The following SSH1 variants were observed in gnomAD, a reference collection of about 807,000 sequenced individuals.
SSH1 encodes slingshot protein phosphatase 1.
In SSH1, 43 loss-of-function variants were observed where a neutral mutation model predicts 79.7. That is an observed-to-expected ratio of 0.54 (90% confidence interval 0.42 to 0.70). The LOEUF is 0.70. Ranked by LOEUF, SSH1 falls within the 30% of genes least tolerant of loss-of-function variation. The pLI is 0.00. For missense variants in SSH1, 1,206 were observed against 1,358.8 expected, an observed-to-expected ratio of 0.89 and a Z score of 1.77; for synonymous variants, 599 against 538.3, an observed-to-expected ratio of 1.11 and a Z score of -1.56.
chr12:108,853,415 C>T (rs1319730574), intron 1 of SSH1: 6 of 919,498 alleles, frequency 6.5e-6, no homozygotes, highest in African/African-American at 3.6e-5. Flanking sequence ...AACTCCGCAC[C>T]GCTGGGACTT....
chr12:108,832,866 C>T lies in SSH1; in HGVS notation c.111-9505G>A, dbSNP rs557516833. Among the ~76,000 whole-genome samples the T allele has an allele frequency of 1.1e-3, 171 of 152,238 alleles. 1 individual carries two copies. Among genetic ancestry groups the T allele is most frequent in the Middle Eastern group, 3.4e-3 (1 of 294 alleles). On this transcript the variant is annotated intron_variant, in intron 2 of 14. Coordinates refer to ENST00000326495, the MANE Select transcript of SSH1 (RefSeq NM_018984.4). ...GTCAACCGGAGCTCCCAAATTGTAC[C>T]CCCCTAAACACATAATGCTGAGCAT...
rs374251573 is a variant in SSH1 at position 108,788,583 on chromosome 12, T to C, written c.2555A>G (p.Glu852Gly). Residue 852 changes from glutamate to glycine, a missense_variant, in exon 15 of 15, where the codon GAG becomes GGG. By Grantham distance (98) the Glu-to-Gly change is moderately conservative (BLOSUM62 -2). Coordinates refer to ENST00000326495, the MANE Select transcript of SSH1 (RefSeq NM_018984.4). ...PSRDGPASRLEASIPEESQDP... is the reference protein window; with the variant it reads ...PSRDGPASRLGASIPEESQDP... ...CTGGCTCTCCTCGGGGATGCTGGCC[T>C]CCAGCCTGCTGGCAGGGCCATCCCT... is the stretch of plus-strand genomic sequence containing the variant. 16 of 1,603,448 alleles carry C rather than the reference T, an allele frequency of 1.0e-5. No individual in the cohort carries two copies. In the African/African-American group the frequency reaches 2.0e-4, roughly 20 times the overall value.
intron 2 of SSH1, among the ~76,000 whole-genome samples, chr12:108,827,099 C>T (rs539359773): frequency 6.6e-6 from 1 of 151,926 alleles, no homozygotes; most frequent in East Asian, 1.9e-4. Context: ...TACTGCCATT[C>T]GGGAAGCTTC....
intron 3 of SSH1, among the ~76,000 whole-genome samples, chr12:108,819,114 C>CG (rs1414068454): frequency 6.6e-6 from 1 of 151,690 alleles, no homozygotes; most frequent in South Asian, 2.1e-4. Flanking sequence ...ACCGGGGGGG[C>CG]GGGGGGAAAT....
At chr12:108,808,374 C>T (rs2037395731) in intron 7 of SSH1, among the ~76,000 whole-genome samples, 1 of 152,218 alleles carries the variant, frequency 6.6e-6, no homozygotes, top group Non-Finnish European at 1.5e-5. Context: ...CTGATTGAAT[C>T]TAAGAGTGGC....
rs1203106816 is a variant in SSH1, at chr12:108,779,356, C to T, written c.*8632G>A. On this transcript the variant is annotated 3_prime_UTR_variant, in exon 15 of 15. Coordinates refer to ENST00000326495, the MANE Select transcript of SSH1 (RefSeq NM_018984.4). ...GGAGCAAGAAGTGGGTCCAATTTCC[C>T]AGGGGCTGGGGGCTTCATCTCCAAC... 1 of 152,156 alleles carries T rather than the reference C, an allele frequency of 6.6e-6. No homozygotes were observed. Among genetic ancestry groups the T allele is most frequent in the Non-Finnish European group, 1.5e-5 (1 of 68,040 alleles). 9.4% of individuals were successfully genotyped at this position (152,156 alleles called of 1,614,324 possible).
At chr12:108,836,829 T>A (rs2038642480) in intron 2 of SSH1, 1 of 497,114 alleles carries the variant, frequency 2.0e-6, no homozygotes, top group South Asian at 1.5e-5. Flanking sequence ...GCAGCATCCC[T>A]TGGGTGATGT....
chr12:108,789,759 A>C (rs542815209), intron 14 of SSH1, among the ~76,000 whole-genome samples: 1 of 152,274 alleles, frequency 6.6e-6, no homozygotes, highest in East Asian at 1.9e-4. Flanking sequence ...TCCAGAAGCA[A>C]AGCAGGAAGG....
intron 13 of SSH1, 55 bp from the exon 14 acceptor site, chr12:108,792,884 G>A (rs2036575884): frequency 3.1e-6 from 5 of 1,607,942 alleles, no homozygotes; most frequent in Non-Finnish European, 4.2e-6. Context: ...GCCTGGGGGT[G>A]CTGGGAAGAG....
intron 2 of SSH1, among the ~76,000 whole-genome samples, chr12:108,848,644 C>T (rs1337839625): frequency 6.6e-6 from 1 of 152,228 alleles, no homozygotes; most frequent in African/African-American, 2.4e-5. Context: ...CAGGACACAA[C>T]TTTTCTTGTG....
At chr12:108,801,898 CAGAT>C (rs936085881) in intron 11 of SSH1, among the ~76,000 whole-genome samples, 19 of 152,296 alleles carry the variant, frequency 1.2e-4, no homozygotes, top group African/African-American at 4.6e-4. Flanking sequence ...AGCATTAGCT[CAGAT>C]AGAGCCCAAA....
intron 2 of SSH1, chr12:108,827,445 G>A (rs1045803490): frequency 1.9e-5 from 25 of 1,312,076 alleles, no homozygotes; most frequent in African/African-American, 6.1e-5. Context: ...GGAGGCTGCC[G>A]AGTGCTTCCA....
At position 108,807,717 on chromosome 12, in the gene SSH1, G is replaced by A; in HGVS notation, c.647C>T (p.Ser216Phe). ...WATYYESCIS[S>F]EQSCINEWNA... is the part of the protein sequence containing the mutation. ...CCACTCGTTGATGCAGCTCTGCTCG[G>A]AGCTGATGCAGCTCTCATAGTAGGT... The change falls in exon 8 of 15, where the codon TCC becomes TTC. Residue 216 changes from serine (S) to phenylalanine (F), a missense_variant. Coordinates refer to ENST00000326495, the MANE Select transcript of SSH1 (RefSeq NM_018984.4). This position sits in a 1 kb window ranked among gnomAD's most constrained non-coding sequence, Gnocchi z 5.2. 1 of 1,613,272 alleles carries A rather than the reference G, an allele frequency of 6.2e-7. No homozygotes were observed. The highest frequency in any genetic ancestry group is 1.1e-5 in the South Asian group (1 of 91,028).
intron 7 of SSH1, among the ~76,000 whole-genome samples, chr12:108,808,693 C>T (rs1412811700): frequency 6.6e-6 from 1 of 152,060 alleles, no homozygotes; most frequent in Non-Finnish European, 1.5e-5. Flanking sequence ...AGCTTAGATG[C>T]TTAGATTTCT....
chr12:108,829,884 T>A (rs1421397758), intron 2 of SSH1, among the ~76,000 whole-genome samples: 1 of 152,044 alleles, frequency 6.6e-6, no homozygotes, highest in Non-Finnish European at 1.5e-5. Context: ...GGAGAATCAG[T>A]TGACCCCTGG....
At chr12:108,854,981 G>A (rs1479711000) in intron 1 of SSH1, among the ~76,000 whole-genome samples, 1 of 152,204 alleles carries the variant, frequency 6.6e-6, no homozygotes, top group Non-Finnish European at 1.5e-5. Context: ...AATGAATGCT[G>A]CAGCTTTGCT....
chr12:108,801,781 T>A (rs2037020099), intron 11 of SSH1, among the ~76,000 whole-genome samples: 1 of 151,026 alleles, frequency 6.6e-6, no homozygotes, highest in African/African-American at 2.4e-5. Context: ...CTTGAAGGTC[T>A]AGATTGAAAC....
In SSH1 at chr12:108,823,506, C is replaced by T. The variant is rs115285637; in HGVS notation, c.111-145G>A. On this transcript the variant is annotated intron_variant, in intron 2 of 14. Transcript: ENST00000326495. ...TGAAACTGCTTTTATAATAATTCCACGTAGTACTTTTCTCAAACCTTGCTT... is the reference window on the plus strand; with the variant it reads ...TGAAACTGCTTTTATAATAATTCCATGTAGTACTTTTCTCAAACCTTGCTT... 1.8e-4 allele frequency: 132 copies of T among 723,844 alleles called. 1 individual carries two copies. In the African/African-American group the frequency reaches 2.0e-3, roughly 11 times the overall value. 44.8% of individuals were successfully genotyped at this position (723,844 alleles called of 1,614,324 possible).
intron 2 of SSH1, among the ~76,000 whole-genome samples, chr12:108,841,677 C>T (rs555889240): frequency 7.2e-5 from 11 of 152,032 alleles, no homozygotes; most frequent in Admixed American, 5.2e-4. Flanking sequence ...GGGGTGGTGG[C>T]GCATGCCTGT....
Sources: allele counts gnomAD v4.1 joint callset (sites outside exome capture counted in the v4.1 genomes callset), GRCh38; gene constraint gnomAD v4.1.1; non-coding constraint Gnocchi (gnomAD v3.1); transcripts MANE v1.5; gene names NCBI Gene and HGNC (gene_info 2026-07-23, HGNC 2026-07-21).